The following WDR76 variants were observed in gnomAD, a reference collection of about 807,000 sequenced individuals.
WDR76 encodes WD repeat-containing protein 76.
Under a neutral mutation model 70.2 loss-of-function variants are expected in WDR76, and 52 were observed. That is an observed-to-expected ratio of 0.74 (90% CI 0.59 to 0.93). The LOEUF (loss-of-function observed/expected upper bound fraction) is 0.93, where lower values mean the gene tolerates loss of function less well. WDR76 is among the 40% of genes least tolerant of loss of function. The pLI is 0.00. For missense variants in WDR76, 756 were observed against 760.2 expected (o/e 0.99, Z 0.07); for synonymous variants, 292 against 271.1 (o/e 1.08, Z -0.76).
In WDR76 at chr15:43,844,183, T is replaced by C. The variant is rs144840562; in HGVS notation, c.1032+129T>C. On this transcript the variant is annotated intron_variant, in intron 8 of 12. Coordinates refer to ENST00000263795, the MANE Select transcript of WDR76 (RefSeq NM_024908.4). ...CAATTTTGGGCTTTATGATGCTTTA[T>C]GATTCCAAATTTTAGAAATCTGGAA... The C allele has an allele frequency of 3.5e-4, 269 of 771,366 alleles. 2 individuals carry two copies. In the African/African-American group the frequency reaches 4.4e-3, roughly 13 times the overall value. 47.8% of individuals were successfully genotyped at this position (771,366 alleles called of 1,614,324 possible).
chr15:43,864,660 T>G (rs1007208611), intron 12 of WDR76, among the ~76,000 whole-genome samples: 2 of 152,012 alleles, frequency 1.3e-5, no homozygotes, highest in African/African-American at 4.8e-5. Flanking sequence ...AGTGGCATGA[T>G]CTGGGCTCAC....
rs368316021 is a variant in WDR76 at position 43,853,223 on chromosome 15, CTCT to C, written c.1191+1979_1191+1981del. On this transcript the variant is annotated intron_variant, in intron 9 of 12. Transcript: ENST00000263795. ...TTTATTTTTTGAGATGGGGGTCTCA[CTCT>C]GTCACTCCAGCTGGAGTGAAGTGGC... Among the ~76,000 whole-genome samples the C allele has an allele frequency of 6.6e-3, 1,003 of 151,726 alleles. 11 individuals are homozygous for C. Among genetic ancestry groups the C allele is most frequent in the African/African-American group, 0.023 (952 of 41,362 alleles).
chr15:43,827,277 C>T (rs1475732742), intron 1 of WDR76, among the ~76,000 whole-genome samples, 185 bp downstream of exon 1: 1 of 152,220 alleles, frequency 6.6e-6, no homozygotes, highest in Non-Finnish European at 1.5e-5. Context: ...GGGAGAGTCA[C>T]ATCTGGGATT....
In WDR76 at chr15:43,835,126, T is replaced by C. The variant is rs1474265884; in HGVS notation, c.528T>C (p.Phe176=). The C allele has an allele frequency of 1.2e-6, 2 of 1,613,972 alleles. No homozygotes were observed. Among genetic ancestry groups the C allele is most frequent in the African/African-American group, 2.7e-5 (2 of 74,904 alleles). Residue 176 remains phenylalanine (F), a synonymous_variant, in exon 3 of 13, where the codon TTT becomes TTC. Transcript: ENST00000263795. The part of the protein sequence containing the change: ...RLKNISENAD[F]FASLQLSESA... ...AGAACATATCAGAAAACGCAGACTT[T>C]TTTGCTTCTCTTCAGTTGTCTGAGG...
intron 5 of WDR76, among the ~76,000 whole-genome samples, chr15:43,840,962 C>T (rs1449171230): frequency 6.6e-6 from 1 of 151,238 alleles, no homozygotes; most frequent in Non-Finnish European, 1.5e-5. Flanking sequence ...CACATATATG[C>T]AACTGAAACC....
intron 8 of WDR76, among the ~76,000 whole-genome samples, chr15:43,850,639 A>G (rs554182354): frequency 6.6e-6 from 1 of 152,280 alleles, no homozygotes; most frequent in South Asian, 2.1e-4. Context: ...TAAAACCATT[A>G]TCTTTGTCCC....
Position 43,828,011 on chromosome 15 carries a change from G to T in WDR76, c.107G>T (p.Arg36Ile). 1 of 1,613,082 alleles carries T rather than the reference G, an allele frequency of 6.2e-7. No individual in the cohort carries two copies. The highest frequency in any genetic ancestry group is 1.1e-5 in the South Asian group (1 of 90,664). ...CAAAACATCGCTTATGTGTCTCTGA[G>T]ACCAGCACAGACTACAGTTTTAATA... ...ENQNIAYVSL[R>I]PAQTTVLIKT... The change falls in exon 2 of 13, where the codon AGA becomes ATA. Residue 36 changes from arginine to isoleucine, a missense_variant. Physicochemically the swap from Arg to Ile is moderately conservative, Grantham distance 97 (BLOSUM62 -3). Coordinates refer to ENST00000263795, the MANE Select transcript of WDR76 (RefSeq NM_024908.4).
At chr15:43,828,560 C>G (rs1029271982) in intron 2 of WDR76, among the ~76,000 whole-genome samples, 194 bp downstream of exon 2, 1 of 152,066 alleles carries the variant, frequency 6.6e-6, no homozygotes, top group Non-Finnish European at 1.5e-5. Flanking sequence ...TTTGCTCTTG[C>G]TGTTGATGTG....
chr15:43,851,318 A>T, intron 9 of WDR76, 73 bp downstream of exon 9: 1 of 1,564,818 alleles, frequency 6.4e-7, no homozygotes, highest in Non-Finnish European at 8.7e-7. Flanking sequence ...ATGAATAATT[A>T]TTATACCAAT....
chr15:43,861,832 ATTT>A lies in WDR76; in HGVS notation c.1616+466_1616+468del, dbSNP rs898404641. On this transcript the variant is annotated intron_variant, in intron 12 of 12. Transcript: ENST00000263795. ...TCAACTACTTTGAATGTATTTGTGT[ATTT>A]TTTTTTTTTTTTTTTTTTTGAGATG... is the stretch of plus-strand genomic sequence containing the variant. Among the ~76,000 whole-genome samples, 141 of 104,768 alleles carry A rather than the reference ATTT, an allele frequency of 1.3e-3. 2 individuals are homozygous for A. Among genetic ancestry groups the A allele is most frequent in the Middle Eastern group, 6.2e-3 (1 of 162 alleles). The allele number at this position is 104,768 out of a possible 152,430, so 68.7% of individuals were successfully genotyped here. A position where few individuals can be genotyped will look rare whatever the true frequency, so the allele number is the denominator to read the frequency against.
At chr15:43,841,290 C>A (rs749738038) in intron 5 of WDR76, among the ~76,000 whole-genome samples, 3 of 149,526 alleles carry the variant, frequency 2.0e-5, no homozygotes, top group Non-Finnish European at 3.0e-5. Context: ...GTAAGCTCTG[C>A]ATCCCAGGTT....
intron 8 of WDR76, among the ~76,000 whole-genome samples, chr15:43,844,926 TAAAAAAAAA>T (rs1163275078): frequency 6.4e-4 from 10 of 15,538 alleles, no homozygotes; most frequent in Non-Finnish European, 1.1e-3. Context: ...AGACTCTGTG[TAAAAAAAAA>T]AAAAAAAAAA....
chr15:43,865,948 C>CTCTGTCCAGAGGT (rs2088065077), intron 12 of WDR76, among the ~76,000 whole-genome samples, 180 bp from the exon 13 acceptor site: 1 of 152,194 alleles, frequency 6.6e-6, no homozygotes, highest in South Asian at 2.1e-4. Context: ...AGGATATCGT[C>CTCTGTCCAGAGGT]TCTGTCCAGA....
chr15:43,852,105 T>C (rs1187452031), intron 9 of WDR76, among the ~76,000 whole-genome samples: 1 of 152,240 alleles, frequency 6.6e-6, no homozygotes, highest in Non-Finnish European at 1.5e-5. Context: ...AAAACAAACA[T>C]ATCATTTGAA....
rs1356140786 is a variant in WDR76 at position 43,866,343 on chromosome 15, G to A, written c.1832G>A (p.Gly611Asp). 1.9e-6 allele frequency: 3 copies of A among 1,614,132 alleles called. No individual in the cohort carries two copies. Among genetic ancestry groups the A allele is most frequent in the South Asian group, 2.2e-5 (2 of 91,076 alleles). ...MHPTRYILAG[G>D]NSSGKIHVFM... ...CCAACTCGGTATATTTTGGCTGGAG[G>A]TAATTCCAGCGGGAAGATACATGTT... Residue 611 changes from glycine to aspartate, a missense_variant, in exon 13 of 13, where the codon GGT becomes GAT. By Grantham distance (94) the Gly-to-Asp change is moderately conservative. Transcript: ENST00000263795.
At chr15:43,865,604 G>A (rs944320390) in intron 12 of WDR76, among the ~76,000 whole-genome samples, 4 of 151,932 alleles carry the variant, frequency 2.6e-5, no homozygotes, top group Admixed American at 6.6e-5. Flanking sequence ...GGGTTTCGCC[G>A]TGTTGGACAG....
intron 12 of WDR76, among the ~76,000 whole-genome samples, chr15:43,863,417 T>C (rs2088028973): frequency 6.6e-6 from 1 of 152,170 alleles, no homozygotes; most frequent in Non-Finnish European, 1.5e-5. Context: ...ATATAATATA[T>C]TGTTATTGAC....
chr15:43,857,961 C>CT lies in WDR76; in HGVS notation c.1410-689dup, dbSNP rs397854561. On this transcript the variant is annotated intron_variant, in intron 10 of 12. Coordinates refer to ENST00000263795, the MANE Select transcript of WDR76 (RefSeq NM_024908.4). ...TAATAAGAGTATTAGAGGGTTCTGT[C>CT]TTTTTTTTTTTTTTTTTTTTTGAGA... Among the ~76,000 whole-genome samples the CT allele has an allele frequency of 6.9e-3, 661 of 95,506 alleles. 12 individuals carry two copies. The highest frequency in any genetic ancestry group is 0.012 in the African/African-American group (358 of 28,728). The allele number at this position is 95,506 out of a possible 152,430, so 62.7% of individuals were successfully genotyped here.
chr15:43,833,219 C>T (rs757426246), intron 2 of WDR76, among the ~76,000 whole-genome samples: 42 of 152,032 alleles, frequency 2.8e-4, no homozygotes, highest in Non-Finnish European at 4.7e-4. Flanking sequence ...GGCTAGAACA[C>T]AGTGGTGTCA....
Sources: gnomAD v4.1 joint callset for allele counts (sites outside exome capture counted in the v4.1 genomes callset) on GRCh38, gnomAD v4.1.1 for gene constraint, MANE v1.5 for transcripts, NCBI Gene and HGNC (gene_info 2026-07-23, HGNC 2026-07-21) for gene names.